Variants in CREB3L1 observed in about 807,000 individuals in gnomAD.
The protein encoded by CREB3L1 is cyclic AMP-responsive element-binding protein 3-like protein 1.
Under a neutral mutation model 54.5 loss-of-function variants are expected in CREB3L1, and 33 were observed. The observed-to-expected ratio is 0.61, with a 90% CI of 0.46 to 0.81. CREB3L1 has a LOEUF of 0.81. Ranked by LOEUF, CREB3L1 falls within the 30% of genes least tolerant of loss-of-function variation. The pLI is 0.00. For synonymous variants in CREB3L1, 284 were observed against 286.4 expected (o/e 0.99, Z 0.08); for missense variants, 656 against 673.3 (o/e 0.97, Z 0.29).
At position 46,312,907 on chromosome 11, in the gene CREB3L1, A is replaced by C; in HGVS notation, c.1019A>C (p.Glu340Ala). The part of the protein sequence containing the change: ...NELWKKVETL[E>A]NANRTLLQQL... ...CTGTGGAAGAAGGTGGAGACCCTGG[A>C]GAATGCCAACAGGTGGGTAGTGCCT... Residue 340 changes from glutamate to alanine, a missense_variant, in exon 8 of 12, where the codon GAG becomes GCG. Around this residue, in one of 3 missense-constraint regions of CREB3L1, gnomAD observed 77 missense variants for 122.0 expected, o/e 0.63. Transcript: ENST00000621158. 2 of 1,586,308 alleles carry C rather than the reference A, an allele frequency of 1.3e-6. No homozygotes were observed. Among genetic ancestry groups the C allele is most frequent in the Non-Finnish European group, 1.7e-6 (2 of 1,166,602 alleles).
chr11:46,279,379 T>A (rs1250858236), intron 1 of CREB3L1, among the ~76,000 whole-genome samples: 1 of 151,950 alleles, frequency 6.6e-6, no homozygotes. Context: ...CAAGGAGGCA[T>A]GGGGGCTGAG....
intron 1 of CREB3L1, among the ~76,000 whole-genome samples, chr11:46,282,663 C>A (rs900682290): frequency 6.6e-6 from 1 of 152,118 alleles, no homozygotes; most frequent in Non-Finnish European, 1.5e-5. Context: ...TAAAGTGGGA[C>A]CCCCCTGTTC....
At chr11:46,292,185 C>A (rs1479402090) in intron 1 of CREB3L1, among the ~76,000 whole-genome samples, 2 of 152,192 alleles carry the variant, frequency 1.3e-5, no homozygotes, top group African/African-American at 4.8e-5. Context: ...GGAAGAACAA[C>A]CCGGAGAATG....
chr11:46,305,621 TATATATGTATATATATAC>T (rs1294258858), intron 2 of CREB3L1, among the ~76,000 whole-genome samples: 2 of 119,684 alleles, frequency 1.7e-5, no homozygotes, highest in Non-Finnish European at 3.7e-5. Context: ...TGTGTGTGTA[TATATATGTATATATATAC>T]ATATATATGT....
Position 46,320,489 on chromosome 11 carries a change from G to T in CREB3L1, c.1484G>T (p.Ser495Ile). 6.3e-7 allele frequency: 1 copy of T among 1,590,884 alleles called. No homozygotes were observed. The highest frequency in any genetic ancestry group is 1.1e-5 in the South Asian group (1 of 87,946). ...CCTAAAGACGGTGGAAACGGCACCAGCCCCGACTTCTCCCACTCCAAGGAG... is the reference window on the plus strand; with the variant it reads ...CCTAAAGACGGTGGAAACGGCACCATCCCCGACTTCTCCCACTCCAAGGAG... ...AWPKDGGNGT[S>I]PDFSHSKEWF... Residue 495 changes from serine (S) to isoleucine (I), a missense_variant, in exon 11 of 12, where the codon AGC (serine) becomes ATC (isoleucine). This residue lies in a region of CREB3L1 where 240 missense variants were observed against 219.8 expected (regional missense o/e 1.09). Coordinates refer to ENST00000621158, the MANE Select transcript of CREB3L1 (RefSeq NM_052854.4).
At chr11:46,317,588 G>C in intron 10 of CREB3L1, 101 bp downstream of exon 10, 2 of 1,443,996 alleles carry the variant, frequency 1.4e-6, no homozygotes, top group Non-Finnish European at 1.9e-6. Flanking sequence ...GCCAAGTGTG[G>C]GGTCAGCATT....
chr11:46,319,804 G>A (rs933679783), intron 10 of CREB3L1, among the ~76,000 whole-genome samples: 7 of 151,828 alleles, frequency 4.6e-5, no homozygotes, highest in East Asian at 1.9e-4. Context: ...GCTTGAGCTC[G>A]GGAGGCGGAG....
intron 1 of CREB3L1, among the ~76,000 whole-genome samples, chr11:46,279,213 C>G (rs889726058): frequency 6.6e-6 from 1 of 152,152 alleles, no homozygotes; most frequent in Non-Finnish European, 1.5e-5. Context: ...ACTTGAGACT[C>G]TTTACCTGCT....
At chr11:46,284,543 A>C (rs1939027534) in intron 1 of CREB3L1, among the ~76,000 whole-genome samples, 1 of 151,716 alleles carries the variant, frequency 6.6e-6, no homozygotes, top group Non-Finnish European at 1.5e-5. Flanking sequence ...AATCCCAGCT[A>C]CTTGGGAGGC....
chr11:46,314,410 A>G (rs1939535444), intron 8 of CREB3L1, among the ~76,000 whole-genome samples: 1 of 152,102 alleles, frequency 6.6e-6, no homozygotes, highest in Non-Finnish European at 1.5e-5. Flanking sequence ...TTCTTGAGAT[A>G]GGGTCTCACT....
intron 1 of CREB3L1, among the ~76,000 whole-genome samples, chr11:46,293,194 C>T (rs914732802): frequency 4.6e-5 from 7 of 152,242 alleles, no homozygotes; most frequent in African/African-American, 1.7e-4. Context: ...TTTCCGGTGT[C>T]CTAAGCTGCC....
At chr11:46,311,235 A>G (rs1285006232) in intron 5 of CREB3L1, 46 bp downstream of exon 5, 2 of 1,480,128 alleles carry the variant, frequency 1.4e-6, no homozygotes, top group East Asian at 2.5e-5. Context: ...GGAATTGAAT[A>G]CATCCACCTG....
At chr11:46,303,660 A>G (rs1215272423) in intron 2 of CREB3L1, among the ~76,000 whole-genome samples, 2 of 151,962 alleles carry the variant, frequency 1.3e-5, no homozygotes, top group African/African-American at 4.8e-5. Context: ...TAATATAAAT[A>G]ATAATAATTA....
Position 46,301,201 on chromosome 11 carries a change from C to T in CREB3L1, c.331+1038C>T, listed in dbSNP as rs558046513. Reference sequence around the variant, plus strand: ...AAAAAAAATACAAAAATTAGCCAGGCGTGGTGGTGCGCTCCTGTAGTCCCA... The same window carrying T: ...AAAAAAAATACAAAAATTAGCCAGGTGTGGTGGTGCGCTCCTGTAGTCCCA... On this transcript the variant is annotated intron_variant, in intron 2 of 11. Coordinates refer to ENST00000621158, the MANE Select transcript of CREB3L1 (RefSeq NM_052854.4). 2.0e-5 allele frequency among the ~76,000 whole-genome samples: 3 copies of T among 150,610 alleles called. No homozygotes were observed. In the East Asian group the frequency reaches 5.9e-4, roughly 30 times the overall value.
At chr11:46,297,367 A>G (rs368076888) in intron 1 of CREB3L1, among the ~76,000 whole-genome samples, 14 of 152,198 alleles carry the variant, frequency 9.2e-5, no homozygotes, top group South Asian at 6.2e-4. Context: ...TGGCATTGCC[A>G]TCTGGGTTCT....
At chr11:46,308,078 C>CT in intron 3 of CREB3L1, 78 bp downstream of exon 3, 1 of 1,297,028 alleles carries the variant, frequency 7.7e-7, no homozygotes, top group Non-Finnish European at 1.0e-6. Flanking sequence ...GCCCAAAGCC[C>CT]TGTGCCCTGG....
chr11:46,281,334 G>A (rs971597367), intron 1 of CREB3L1, among the ~76,000 whole-genome samples: 3 of 152,210 alleles, frequency 2.0e-5, no homozygotes, highest in Admixed American at 2.0e-4. Flanking sequence ...CAGAGGGAGA[G>A]CAGGTCGTTT....
At position 46,295,638 on chromosome 11, in the gene CREB3L1, G is replaced by T. The variant is rs1435752935; in HGVS notation, c.103-4297G>T. Among the ~76,000 whole-genome samples, 3 of 152,202 alleles carry T rather than the reference G, an allele frequency of 2.0e-5. No individual in the cohort carries two copies. Among genetic ancestry groups the T allele is most frequent in the Non-Finnish European group, 4.4e-5 (3 of 68,012 alleles). On this transcript the variant is annotated intron_variant, in intron 1 of 11. Coordinates refer to ENST00000621158, the MANE Select transcript of CREB3L1 (RefSeq NM_052854.4). This position sits in a 1 kb window ranked among gnomAD's most constrained non-coding sequence, Gnocchi z 4.6. ...GCACTCCTCCGGTGCCCTCCACGCC[G>T]CCACCGGCTGCTGCTCGCAGCCTCC...
intron 1 of CREB3L1, among the ~76,000 whole-genome samples, chr11:46,288,477 T>C (rs1449865239): frequency 2.6e-5 from 4 of 152,220 alleles, no homozygotes; most frequent in East Asian, 1.9e-4. Context: ...GGAAGGCCCA[T>C]GGCATTTGAC....
Sources: gnomAD v4.1 joint callset for allele counts (sites outside exome capture counted in the v4.1 genomes callset) on GRCh38, gnomAD v4.1.1 for gene constraint, gnomAD v4.1.1 regional missense constraint, Gnocchi (gnomAD v3.1) non-coding constraint, MANE v1.5 for transcripts, NCBI Gene and HGNC (gene_info 2026-07-23, HGNC 2026-07-21) for gene names.